Variants in FHIP1A observed in about 807,000 individuals in gnomAD.
FHIP1A encodes the protein FHF complex subunit HOOK-interacting protein 1A.
A neutral mutation model predicts 88.6 loss-of-function variants in FHIP1A; 61 were observed. The ratio of observed to expected loss-of-function variants is 0.69; its 90% confidence interval spans 0.56 to 0.85. The LOEUF (loss-of-function observed/expected upper bound fraction) is 0.85. FHIP1A is among the 40% of genes least tolerant of loss of function. The probability of loss-of-function intolerance (pLI) is 0.00; values close to 1 mark genes in which losing one functional copy is unlikely to be tolerated. For missense variants in FHIP1A, 1,154 were observed against 1,273.5 expected (o/e 0.91, Z 1.43); for synonymous variants, 478 against 496.0 (o/e 0.96, Z 0.48).
intron 3 of FHIP1A, among the ~76,000 whole-genome samples, chr4:151,491,278 A>G (rs1264766270): frequency 6.6e-6 from 1 of 152,212 alleles, no homozygotes; most frequent in Non-Finnish European, 1.5e-5. Flanking sequence ...AACCTATCAG[A>G]TTAACAGCAG....
chr4:151,605,577 T>C (rs1225625416), intron 7 of FHIP1A, among the ~76,000 whole-genome samples: 1 of 152,216 alleles, frequency 6.6e-6, no homozygotes, highest in Non-Finnish European at 1.5e-5. Context: ...CCACCATCTC[T>C]TCTGTGCTGA....
chr4:151,606,292 T>C (rs1245318789), intron 7 of FHIP1A, among the ~76,000 whole-genome samples: 1 of 152,210 alleles, frequency 6.6e-6, no homozygotes, highest in Non-Finnish European at 1.5e-5. Flanking sequence ...TCTTTGTCAC[T>C]TGTCATCTGT....
At chr4:151,454,069 T>C (rs1728888119) in intron 1 of FHIP1A, among the ~76,000 whole-genome samples, 1 of 152,202 alleles carries the variant, frequency 6.6e-6, no homozygotes, top group Non-Finnish European at 1.5e-5. Flanking sequence ...TTTTTTCCCA[T>C]AGGAATGTAC....
At chr4:151,600,758 C>T (rs1734838333) in intron 7 of FHIP1A, among the ~76,000 whole-genome samples, 1 of 152,132 alleles carries the variant, frequency 6.6e-6, no homozygotes. Flanking sequence ...CTCCACAGGG[C>T]TGCTTGGGCA....
At chr4:151,593,114 TG>T (rs1195922577) in intron 7 of FHIP1A, among the ~76,000 whole-genome samples, 3 of 152,224 alleles carry the variant, frequency 2.0e-5, no homozygotes, top group African/African-American at 7.2e-5. Flanking sequence ...TATGTTCCGC[TG>T]GTCTATATAT....
At position 151,668,920 on chromosome 4, in the gene FHIP1A, T is replaced by G. The variant is rs146568378; in HGVS notation, c.*6166T>G. 1.4e-3 allele frequency among the ~76,000 whole-genome samples: 211 copies of G among 152,138 alleles called. No individual in the cohort carries two copies. Among genetic ancestry groups the G allele is most frequent in the African/African-American group, 4.8e-3 (198 of 41,460 alleles). ...CTAACTTCTAGTCAGAGCCTCAGCATTATACACCCAGCCTACAGGTGTGTG... is the reference window on the plus strand; with the variant it reads ...CTAACTTCTAGTCAGAGCCTCAGCAGTATACACCCAGCCTACAGGTGTGTG... On this transcript the variant is annotated 3_prime_UTR_variant, in exon 14 of 14. Coordinates refer to ENST00000435205, the MANE Select transcript of FHIP1A (RefSeq NM_001109977.3).
chr4:151,594,120 C>T (rs756828205), intron 7 of FHIP1A, among the ~76,000 whole-genome samples: 2 of 152,172 alleles, frequency 1.3e-5, no homozygotes, highest in East Asian at 1.9e-4. Flanking sequence ...CTGACTTGAT[C>T]GTGGTGGATA....
At chr4:151,427,270 T>G (rs7684462) in intron 1 of FHIP1A, among the ~76,000 whole-genome samples, 79,028 of 151,946 alleles carry the variant, frequency 0.52, 20,847 homozygotes, top group African/African-American at 0.55. Context: ...TATTATGGTT[T>G]TATATTTTTT....
rs377024303 is a variant in FHIP1A at position 151,646,683 on chromosome 4, C to T, written c.1352C>T (p.Thr451Ile). ...LTPVCCSSGITLTLGNQERDY... is the reference protein window; with the variant it reads ...LTPVCCSSGIILTLGNQERDY... ...CCTGTCTGCTGCTCCAGCGGGATCACTCTGACGCTGGGGAACCAAGAGAGG... is the reference window on the plus strand; with the variant it reads ...CCTGTCTGCTGCTCCAGCGGGATCATTCTGACGCTGGGGAACCAAGAGAGG... The change falls in exon 10 of 14, where the codon ACT becomes ATT. Residue 451 changes from threonine (T) to isoleucine (I), a missense_variant. Transcript: ENST00000435205. The T allele has an allele frequency of 4.5e-6, 7 of 1,551,486 alleles. No homozygotes were observed. In the African/African-American group the frequency reaches 8.2e-5, roughly 18 times the overall value.
chr4:151,584,795 A>G (rs1194499089), intron 5 of FHIP1A, among the ~76,000 whole-genome samples: 1 of 152,124 alleles, frequency 6.6e-6, no homozygotes, highest in South Asian at 2.1e-4. Context: ...GGAGAATACC[A>G]TCTTTTCTTT....
intron 1 of FHIP1A, among the ~76,000 whole-genome samples, chr4:151,441,643 G>A (rs1728417090): frequency 6.6e-6 from 1 of 152,124 alleles, no homozygotes; most frequent in Admixed American, 6.6e-5. Context: ...TCAGACATTG[G>A]CTTAAGATTC....
chr4:151,582,219 C>T (rs1734051931), intron 5 of FHIP1A, among the ~76,000 whole-genome samples: 1 of 152,132 alleles, frequency 6.6e-6, no homozygotes, highest in African/African-American at 2.4e-5. Context: ...TAGTCCCTAC[C>T]AGGTGTTATG....
At chr4:151,594,050 C>A (rs181008579) in intron 7 of FHIP1A, among the ~76,000 whole-genome samples, 1 of 152,020 alleles carries the variant, frequency 6.6e-6, no homozygotes, top group Admixed American at 6.6e-5. Context: ...TCTGTTTATG[C>A]GATGGATTAG....
At chr4:151,598,963 G>C (rs1734755528) in intron 7 of FHIP1A, among the ~76,000 whole-genome samples, 1 of 152,168 alleles carries the variant, frequency 6.6e-6, no homozygotes, top group South Asian at 2.1e-4. Context: ...TTTGATTATA[G>C]GTGCTGCCCC....
intron 1 of FHIP1A, among the ~76,000 whole-genome samples, chr4:151,431,469 C>T (rs1311399649): frequency 3.3e-5 from 5 of 151,468 alleles, no homozygotes; most frequent in Admixed American, 2.6e-4. Context: ...TTAATAGGTA[C>T]AGTTCATGTT....
intron 7 of FHIP1A, among the ~76,000 whole-genome samples, chr4:151,595,829 C>G (rs191662287): frequency 1.1e-4 from 16 of 152,286 alleles, no homozygotes; most frequent in Non-Finnish European, 1.8e-4. Flanking sequence ...TATGTTTTAT[C>G]AGAGACTAGG....
At chr4:151,479,331 G>A (rs1277930545) in intron 2 of FHIP1A, among the ~76,000 whole-genome samples, 1 of 152,044 alleles carries the variant, frequency 6.6e-6, no homozygotes, top group African/African-American at 2.4e-5. Context: ...GGATTGCATT[G>A]AAGTGATAAG....
rs1431414757 is a variant in FHIP1A at position 151,668,080 on chromosome 4, C to T, written c.*5326C>T. Among the ~76,000 whole-genome samples the T allele has an allele frequency of 6.6e-6, 1 of 152,192 alleles. No homozygotes were observed. Among genetic ancestry groups the T allele is most frequent in the Non-Finnish European group, 1.5e-5 (1 of 68,028 alleles). On this transcript the variant is annotated 3_prime_UTR_variant, in exon 14 of 14. Coordinates refer to ENST00000435205, the MANE Select transcript of FHIP1A (RefSeq NM_001109977.3). ...TGTTGACAATCTTACTTACACGACT[C>T]TTGCTAAGCTATTTGACTAAGGGTT...
chr4:151,421,169 G>T (rs974909785), intron 1 of FHIP1A, among the ~76,000 whole-genome samples: 2 of 152,058 alleles, frequency 1.3e-5, no homozygotes, highest in African/African-American at 4.8e-5. Context: ...AGCACATTTG[G>T]GTCAATAATT....
Sources: allele counts gnomAD v4.1 joint callset (sites outside exome capture counted in the v4.1 genomes callset), GRCh38; gene constraint gnomAD v4.1.1; transcripts MANE v1.5; gene names NCBI Gene and HGNC (gene_info 2026-07-23, HGNC 2026-07-21).